HDAC5: variants seen among roughly 807,000 people sequenced by gnomAD.
HDAC5 encodes histone deacetylase 5.
A neutral mutation model predicts 133.3 loss-of-function variants in HDAC5; 25 were observed. The ratio of observed to expected loss-of-function variants is 0.19; its 90% CI spans 0.14 to 0.26. HDAC5 has a LOEUF of 0.26. HDAC5 is among the 10% of genes least tolerant of loss of function. The pLI is 1.00. For missense variants in HDAC5, 1,041 were observed against 1,460.5 expected (o/e 0.71, Z 4.68); for synonymous variants, 589 against 610.8 (o/e 0.96, Z 0.53).
intron 2 of HDAC5, among the ~76,000 whole-genome samples, chr17:44,115,559 G>A (rs1249181828): frequency 1.3e-5 from 2 of 152,220 alleles, no homozygotes; most frequent in African/African-American, 4.8e-5. Context: ...CCCTCAGAAA[G>A]GAAGAGCTGG....
chr17:44,088,660 A>C lies in HDAC5; in HGVS notation c.1388-62T>G, dbSNP rs564109145. On this transcript the variant is annotated intron_variant, in intron 11 of 26. Transcript: ENST00000682912. Reference sequence around the variant, plus strand: ...AGGGCACCTGACTGCCCTCCCACCGACCCTGCATCTTGCCCCCACAACCCC... The same window carrying C: ...AGGGCACCTGACTGCCCTCCCACCGCCCCTGCATCTTGCCCCCACAACCCC... 3,808 of 1,561,296 alleles carry C rather than the reference A, an allele frequency of 2.4e-3. 87 individuals carry two copies. In the African/African-American group the frequency reaches 0.045, roughly 19 times the overall value.
intron 2 of HDAC5, chr17:44,111,526 G>A (rs544563407): frequency 6.4e-5 from 31 of 487,764 alleles, no homozygotes; most frequent in Admixed American, 4.9e-4. Context: ...TGGCAAGCAA[G>A]CCAGGGGATG....
At chr17:44,090,383 T>C (rs2050884429) in intron 11 of HDAC5, among the ~76,000 whole-genome samples, 1 of 152,172 alleles carries the variant, frequency 6.6e-6, no homozygotes, top group Non-Finnish European at 1.5e-5. Context: ...CACTTGCTTC[T>C]CTTTTTTTTG....
Position 44,093,818 on chromosome 17 carries a change from C to T in HDAC5, c.111G>A (p.Val37=), listed in dbSNP as rs767571268. The T allele has an allele frequency of 5.3e-6, 8 of 1,512,282 alleles. No individual in the cohort carries two copies. The highest frequency in any genetic ancestry group is 7.1e-6 in the Non-Finnish European group (8 of 1,130,300). The allele number at this position is 1,512,282 out of a possible 1,614,324, so 93.7% of individuals were successfully genotyped here. ...SIPVTVEVKP[V]LPRAMPSSMG... ...TGGAACTGGGCATGGCTCTTGGCAG[C>T]ACCGGCTTCACCTCCACTGTGGGCA... is the stretch of plus-strand genomic sequence containing the variant. Residue 37 remains valine, a synonymous_variant, in exon 4 of 27, where the codon GTG becomes GTA. Transcript: ENST00000682912.
chr17:44,101,496 A>G (rs1432850414), intron 3 of HDAC5, among the ~76,000 whole-genome samples: 1 of 151,612 alleles, frequency 6.6e-6, no homozygotes, highest in African/African-American at 2.4e-5. Context: ...CAAGGGGCGT[A>G]GAGTACAAGG....
At chr17:44,094,743 CGTATGTGTGTGTATATATAT>C (rs1181077790) in intron 3 of HDAC5, among the ~76,000 whole-genome samples, 1 of 83,442 alleles carries the variant, frequency 1.2e-5, no homozygotes, top group Non-Finnish European at 3.3e-5. Context: ...TATGTGTGTA[CGTATGTGTGTGTATATATAT>C]ATATACACAC....
rs1440175193 is a variant in HDAC5 at position 44,083,808 on chromosome 17, G to A, written c.2352C>T (p.Ile784=). The A allele has an allele frequency of 2.2e-5, 20 of 926,008 alleles. No homozygotes were observed. Among genetic ancestry groups the A allele is most frequent in the Non-Finnish European group, 2.9e-5 (18 of 617,976 alleles). The allele number at this position is 926,008 out of a possible 1,614,324, so 57.4% of individuals were successfully genotyped here. The change falls in exon 17 of 27, where the codon ATC becomes ATT. Residue 784 remains isoleucine, a synonymous_variant. Transcript: ENST00000682912. ...KMYAVLPCGG[I]GVDSDTVWNE... ...CACTGCTGTACGCCCTACTCACCCC[G>A]ATGCCCCCACAAGGCAGCACAGCAT...
At chr17:44,116,424 C>A (rs1344441829) in intron 2 of HDAC5, among the ~76,000 whole-genome samples, 2 of 152,180 alleles carry the variant, frequency 1.3e-5, no homozygotes, top group African/African-American at 4.8e-5. Context: ...AGGAGAACAG[C>A]AAACCCTACA....
Position 44,115,425 on chromosome 17 carries a change from CGGT to C in HDAC5, c.22+2066_22+2068del, listed in dbSNP as rs938162618. On this transcript the variant is annotated intron_variant, in intron 2 of 26. Transcript: ENST00000682912. ...GACACCCGCGTGCTCTGGCTTCAAT[CGGT>C]GGTCTCACTTTACTTCCGCCGAGTT... 3.0e-4 allele frequency among the ~76,000 whole-genome samples: 46 copies of C among 152,338 alleles called. 1 individual carries two copies. Among genetic ancestry groups the C allele is most frequent in the Admixed American group, 2.4e-3 (37 of 15,306 alleles).
Position 44,086,597 on chromosome 17 carries a change from C to A in HDAC5, c.2025G>T (p.Gln675His). Residue 675 changes from glutamine to histidine, a missense_variant, in exon 14 of 27, where the codon CAG becomes CAT. Gln to His is a conservative substitution (Grantham distance 24, BLOSUM62 0). Around this residue, in one of 9 missense-constraint regions of HDAC5, gnomAD observed 433 missense variants for 531.6 expected, o/e 0.81. Coordinates refer to ENST00000682912, the MANE Select transcript of HDAC5 (RefSeq NM_005474.5). ...CTGTGGTGAAGAGGTGCTTGACGGG[C>A]TGGTCTGGGGGGCTCTTCATGCCCC... ...APGGMKSPPD[Q>H]PVKHLFTTGV... The A allele has an allele frequency of 1.5e-6, 2 of 1,304,720 alleles. No homozygotes were observed. Among genetic ancestry groups the A allele is most frequent in the Non-Finnish European group, 2.0e-6 (2 of 1,018,866 alleles). The allele number at this position is 1,304,720 out of a possible 1,614,324, so 80.8% of individuals were successfully genotyped here.
chr17:44,113,463 G>T (rs1426181520), intron 2 of HDAC5, among the ~76,000 whole-genome samples: 1 of 152,186 alleles, frequency 6.6e-6, no homozygotes, highest in Non-Finnish European at 1.5e-5. Flanking sequence ...GATCTGGGAT[G>T]GGGACAAATG....
Position 44,091,772 on chromosome 17 carries a change from G to A in HDAC5, c.1092C>T (p.Tyr364=), listed in dbSNP as rs752222002. 25 of 1,603,034 alleles carry A rather than the reference G, an allele frequency of 1.6e-5. No individual in the cohort carries two copies. The South Asian group carries it at 2.7e-4, about 17-fold the overall frequency. The change falls in exon 10 of 27, where the codon TAC becomes TAT. Residue 364 remains tyrosine (Y), a synonymous_variant. Transcript: ENST00000682912. ...LDSSPNQFSL[Y]TSPSLPNISL... is the part of the protein sequence containing the mutation. The stretch of plus-strand genomic sequence containing the variant: ...AGATGTTGGGCAGAGAAGGAGACGT[G>A]TAGAGGCTGAACTGGTTGGGGGAGC...
Position 44,110,774 on chromosome 17 carries a change from A to T in HDAC5, c.49T>A (p.Leu17Met). Residue 17 changes from leucine (L) to methionine (M), a missense_variant, in exon 3 of 27, where the codon TTG (leucine) becomes ATG (methionine). Coordinates refer to ENST00000682912, the MANE Select transcript of HDAC5 (RefSeq NM_005474.5). ...SDGMSGREPS[L>M]EILPRTSLHS... ...AGAGAAGTCCGCGGCAGGATTTCCA[A>T]GGATGGTTCCCGACCTGACATCCCA... The T allele has an allele frequency of 6.2e-7, 1 of 1,613,964 alleles. No individual in the cohort carries two copies. Among genetic ancestry groups the T allele is most frequent in the Non-Finnish European group, 8.5e-7 (1 of 1,179,920 alleles).
At chr17:44,106,284 C>T (rs2051936287) in intron 3 of HDAC5, among the ~76,000 whole-genome samples, 1 of 152,180 alleles carries the variant, frequency 6.6e-6, no homozygotes, top group Admixed American at 6.5e-5. Flanking sequence ...GGCTAAAATC[C>T]CCTCAGGGAG....
intron 2 of HDAC5, among the ~76,000 whole-genome samples, chr17:44,114,931 T>C (rs2052562956): frequency 6.6e-6 from 1 of 152,002 alleles, no homozygotes. Context: ...AAGAGGTAAA[T>C]AAAGTCAAAG....
At chr17:44,121,498 G>T (rs1315446663) in intron 1 of HDAC5, among the ~76,000 whole-genome samples, 2 of 144,524 alleles carry the variant, frequency 1.4e-5, no homozygotes, top group African/African-American at 5.2e-5. Context: ...CTAATGCTGT[G>T]TTCCAGACAT....
intron 3 of HDAC5, among the ~76,000 whole-genome samples, chr17:44,106,949 G>A (rs2051993284): frequency 6.6e-6 from 1 of 151,404 alleles, no homozygotes; most frequent in African/African-American, 2.4e-5. Context: ...GTGACCTTGG[G>A]CAGGTTCCCT....
chr17:44,079,246 G>C lies in HDAC5; in HGVS notation c.2976C>G (p.Thr992=), dbSNP rs1293132392. ...CFGHLTRQLM[T]LAGGRVVLAL... ...CCAGCACCACCCGGCCCCCTGCCAG[G>C]GTCATCAGCTGCCTGGTCAAGTGGC... Residue 992 remains threonine, a synonymous_variant, in exon 24 of 27, where the codon ACC becomes ACG. Coordinates refer to ENST00000682912, the MANE Select transcript of HDAC5 (RefSeq NM_005474.5). The C allele has an allele frequency of 6.2e-7, 1 of 1,613,610 alleles. No individual in the cohort carries two copies. The highest frequency in any genetic ancestry group is 8.5e-7 in the Non-Finnish European group (1 of 1,179,790).
At chr17:44,120,799 G>T (rs1462030403) in intron 1 of HDAC5, among the ~76,000 whole-genome samples, 1 of 151,684 alleles carries the variant, frequency 6.6e-6, no homozygotes, top group Non-Finnish European at 1.5e-5. Context: ...AAGGCACTAG[G>T]AATTTATCTT....
Sources: gnomAD v4.1 joint callset for allele counts (sites outside exome capture counted in the v4.1 genomes callset) on GRCh38, gnomAD v4.1.1 for gene constraint, gnomAD v4.1.1 regional missense constraint, MANE v1.5 for transcripts, NCBI Gene and HGNC (gene_info 2026-07-23, HGNC 2026-07-21) for gene names.